The following SP100 variants were observed in gnomAD, a reference collection of about 807,000 sequenced individuals.
The protein encoded by SP100 is SP100 nuclear body protein.
In SP100, 84 loss-of-function variants were observed where a neutral mutation model predicts 130.0. That is an observed-to-expected ratio of 0.65 (90% CI 0.54 to 0.77). The LOEUF is 0.77. SP100 is among the 30% of genes least tolerant of loss of function. SP100 has a pLI of 0.00. For missense variants in SP100, 978 were observed against 1,052.2 expected (o/e 0.93, Z 0.97); for synonymous variants, 331 against 351.7 (o/e 0.94, Z 0.66).
intron 17 of SP100, among the ~76,000 whole-genome samples, chr2:230,486,212 CCA>C (rs1480790854): frequency 6.6e-6 from 1 of 152,040 alleles, no homozygotes. Context: ...CGGGGAAGTG[CCA>C]CATTTTTTTT....
intron 17 of SP100, among the ~76,000 whole-genome samples, chr2:230,492,868 A>G (rs1294180198): frequency 6.6e-6 from 1 of 152,184 alleles, no homozygotes; most frequent in African/African-American, 2.4e-5. Context: ...TTGTTTCTAG[A>G]AATATCTTAT....
rs1345168564 is a variant in SP100, at chr2:230,508,037, G to A, written c.2052+6G>A. The A allele has an allele frequency of 6.2e-7, 1 of 1,612,830 alleles. No individual in the cohort carries two copies. The highest frequency in any genetic ancestry group is 1.3e-5 in the African/African-American group (1 of 74,834). On this transcript the variant is annotated splice_donor_region_variant and intron_variant, in intron 23 of 28. Transcript: ENST00000340126. ...CACCAAGCACAAGAAAAAAGGTGAT[G>A]ATCAAGTGATCTTCTGCCAATGTCT...
At chr2:230,508,113 T>C (rs751505520) in intron 23 of SP100, 82 bp downstream of exon 23, 99 of 1,564,856 alleles carry the variant, frequency 6.3e-5, no homozygotes, top group Non-Finnish European at 7.9e-5. Context: ...AGTCTTTAAA[T>C]TGACCCATCA....
chr2:230,470,480 T>C (rs2065211254), intron 15 of SP100: 2 of 928,718 alleles, frequency 2.2e-6, no homozygotes, highest in Non-Finnish European at 2.6e-6. Context: ...CAACTGTTCC[T>C]ACTATGTAAT....
chr2:230,533,135 A>G (rs143337832), intron 24 of SP100, among the ~76,000 whole-genome samples: 1 of 152,238 alleles, frequency 6.6e-6, no homozygotes, highest in African/African-American at 2.4e-5. Context: ...GCTTAATCTC[A>G]TTTTGTCCCT....
chr2:230,545,477 T>A lies in SP100; in HGVS notation c.*2531T>A, dbSNP rs1232526710. On this transcript the variant is annotated 3_prime_UTR_variant, in exon 29 of 29. Coordinates refer to ENST00000340126, the MANE Select transcript of SP100 (RefSeq NM_001080391.2). ...GAGCAGAAAAAGTACCTATTGGTGA[T>A]GAAGTACTCTGTACAACAAACCCGT... 1.3e-5 allele frequency among the ~76,000 whole-genome samples: 2 copies of A among 152,178 alleles called. No individual in the cohort carries two copies. The highest frequency in any genetic ancestry group is 2.9e-5 in the Non-Finnish European group (2 of 68,040).
At chr2:230,484,995 T>A (rs995198760) in intron 17 of SP100, among the ~76,000 whole-genome samples, 4 of 152,146 alleles carry the variant, frequency 2.6e-5, no homozygotes, top group Admixed American at 2.6e-4. Context: ...AGTGGTGTAA[T>A]CATAGGTCAC....
intron 11 of SP100, among the ~76,000 whole-genome samples, chr2:230,465,555 A>C (rs1472021646): frequency 6.6e-6 from 1 of 152,190 alleles, no homozygotes; most frequent in East Asian, 1.9e-4. Context: ...ACTTATGAAC[A>C]CAAAGAAGGA....
At chr2:230,468,155 T>C (rs1174499759) in intron 13 of SP100, among the ~76,000 whole-genome samples, 2 of 152,200 alleles carry the variant, frequency 1.3e-5, no homozygotes, top group Non-Finnish European at 2.9e-5. Context: ...TTAAGGATCT[T>C]TTTTCTTTGC....
In SP100 at chr2:230,470,065, G is replaced by A. The variant is rs776213434; in HGVS notation, c.1396G>A (p.Glu466Lys). Residue 466 changes from glutamate (E) to lysine (K), a missense_variant, in exon 15 of 29, where the codon GAA becomes AAA. By Grantham distance (56) the Glu-to-Lys change is moderately conservative. Transcript: ENST00000340126. ...CCTGAGTAATGGAGAAGAGCTTCAG[G>A]AAACCTGCAGCTCATCCCTAAGAAG... is the stretch of plus-strand genomic sequence containing the variant. The part of the protein sequence containing the change: ...SDLSNGEELQ[E>K]TCSSSLRRGS... 6.2e-7 allele frequency: 1 copy of A among 1,611,834 alleles called. No homozygotes were observed. Among genetic ancestry groups the A allele is most frequent in the Non-Finnish European group, 8.5e-7 (1 of 1,178,826 alleles).
chr2:230,450,271 C>T lies in SP100; in HGVS notation c.820+16C>T. 4.4e-6 allele frequency: 7 copies of T among 1,589,526 alleles called. No individual in the cohort carries two copies. The highest frequency in any genetic ancestry group is 5.2e-6 in the Non-Finnish European group (6 of 1,158,678). On this transcript the variant is annotated intron_variant, in intron 8 of 28. Coordinates refer to ENST00000340126, the MANE Select transcript of SP100 (RefSeq NM_001080391.2). ...GATGAAGAAAGTAATTATTGCTTAC[C>T]TTGCCTATTTTCTTTCCTTTCTTAT...
chr2:230,498,180 T>G (rs561924911), intron 18 of SP100, among the ~76,000 whole-genome samples: 54 of 152,324 alleles, frequency 3.5e-4, no homozygotes, highest in African/African-American at 1.3e-3. Flanking sequence ...ATTCTTACAG[T>G]ATTCTTTGGG....
chr2:230,514,179 G>C (rs1169583509), intron 24 of SP100, among the ~76,000 whole-genome samples: 1 of 151,930 alleles, frequency 6.6e-6, no homozygotes, highest in East Asian at 1.9e-4. Flanking sequence ...TTAGTCCTAA[G>C]AGTAACCAAA....
At chr2:230,435,071 T>C (rs2063212040) in intron 2 of SP100, among the ~76,000 whole-genome samples, 1 of 152,224 alleles carries the variant, frequency 6.6e-6, no homozygotes, top group Admixed American at 6.5e-5. Flanking sequence ...TCTTAAAATT[T>C]AGTAGATGTT....
intron 8 of SP100, among the ~76,000 whole-genome samples, chr2:230,453,550 T>G (rs2064123389): frequency 6.6e-6 from 1 of 152,228 alleles, no homozygotes; most frequent in African/African-American, 2.4e-5. Flanking sequence ...CAAATGCTTT[T>G]CCTACATCTA....
At chr2:230,468,182 G>T (rs1182507827) in intron 13 of SP100, among the ~76,000 whole-genome samples, 1 of 152,192 alleles carries the variant, frequency 6.6e-6, no homozygotes, top group Non-Finnish European at 1.5e-5. Context: ...CATATGGAAA[G>T]TTATAGGAGG....
intron 13 of SP100, among the ~76,000 whole-genome samples, chr2:230,468,186 TAGG>T (rs2065058625): frequency 6.6e-6 from 1 of 152,214 alleles, no homozygotes; most frequent in African/African-American, 2.4e-5. Context: ...TGGAAAGTTA[TAGG>T]AGGAGACAAG....
chr2:230,441,708 C>T (rs1428539120), intron 2 of SP100, among the ~76,000 whole-genome samples: 1 of 152,130 alleles, frequency 6.6e-6, no homozygotes, highest in Non-Finnish European at 1.5e-5. Flanking sequence ...GCAGTGGTTG[C>T]CCTGAGAGAC....
chr2:230,445,270 A>C (rs1206347696), intron 4 of SP100, among the ~76,000 whole-genome samples: 2 of 152,224 alleles, frequency 1.3e-5, no homozygotes, highest in Admixed American at 1.3e-4. Context: ...ATCTCAACCC[A>C]GTTCTCCAAA....
Sources: allele counts gnomAD v4.1 joint callset (sites outside exome capture counted in the v4.1 genomes callset), GRCh38; gene constraint gnomAD v4.1.1; transcripts MANE v1.5; gene names NCBI Gene and HGNC (gene_info 2026-07-23, HGNC 2026-07-21).